Variants in AFTPH observed in about 807,000 individuals in gnomAD.
AFTPH encodes the protein aftiphilin protein.
A neutral mutation model predicts 72.5 loss-of-function variants in AFTPH; 7 were observed. The ratio of observed to expected loss-of-function variants is 0.10; its 90% CI spans 0.05 to 0.18. The LOEUF (loss-of-function observed/expected upper bound fraction) is 0.18. Among genes scored for constraint, AFTPH ranks in the 10% least tolerant of loss-of-function variants. AFTPH has a pLI of 1.00. For missense variants in AFTPH, 979 were observed against 1,060.5 expected (o/e 0.92, Z 1.07); for synonymous variants, 337 against 370.1 (o/e 0.91, Z 1.03).
At chr2:64,526,130 G>T (rs553037316) in intron 1 of AFTPH, among the ~76,000 whole-genome samples, 263 of 152,246 alleles carry the variant, frequency 1.7e-3, no homozygotes, top group Admixed American at 4.9e-3. Context: ...AAATAATCCC[G>T]TATCACAACA....
At chr2:64,551,637 C>G (rs1442441530) in exon 2 of AFTPH, 2 of 1,613,870 alleles carry the variant, frequency 1.2e-6, no homozygotes, top group African/African-American at 2.7e-5. Context: ...TTATACTCGT[C>G]CCAAGGAAGA....
At chr2:64,573,467 CTG>C (rs1672572820) in intron 6 of AFTPH, among the ~76,000 whole-genome samples, 1 of 150,676 alleles carries the variant, frequency 6.6e-6, no homozygotes, top group Admixed American at 6.6e-5. Flanking sequence ...AAAGGAAACA[CTG>C]TATTTATACC....
chr2:64,543,021 G>T (rs1670351772), intron 1 of AFTPH, among the ~76,000 whole-genome samples: 1 of 152,220 alleles, frequency 6.6e-6, no homozygotes, highest in Non-Finnish European at 1.5e-5. Flanking sequence ...CCAGTAAAGT[G>T]TGGGAATCAC....
chr2:64,530,147 C>G (rs1669541687), intron 1 of AFTPH, among the ~76,000 whole-genome samples: 1 of 152,098 alleles, frequency 6.6e-6, no homozygotes, highest in African/African-American at 2.4e-5. Context: ...CAGAGTGAGG[C>G]TCCGTCTCAA....
chr2:64,526,110 G>A (rs2103783310), intron 1 of AFTPH, among the ~76,000 whole-genome samples: 1 of 152,306 alleles, frequency 6.6e-6, no homozygotes, highest in African/African-American at 2.4e-5. Flanking sequence ...TTGACCTAGA[G>A]ACTGTTAAAA....
At chr2:64,555,555 TCACACACACACACACACACA>T (rs111905151) in intron 2 of AFTPH, among the ~76,000 whole-genome samples, 38 of 140,870 alleles carry the variant, frequency 2.7e-4, no homozygotes, top group South Asian at 9.3e-4. Context: ...AGAGAGACTG[TCACACACACACACACACACA>T]CACACACACA....
chr2:64,552,406 G>A (rs1160649852), exon 2 of AFTPH: 1 of 1,614,096 alleles, frequency 6.2e-7, no homozygotes, highest in Admixed American at 1.7e-5. Context: ...AGAGGTTTCA[G>A]TGTTGAAAAA....
At chr2:64,562,311 C>T (rs1671789046) in intron 2 of AFTPH, among the ~76,000 whole-genome samples, 2 of 150,300 alleles carry the variant, frequency 1.3e-5, no homozygotes, top group Admixed American at 1.3e-4. Context: ...AATTATGCCC[C>T]CTGCAGTCCT....
At chr2:64,535,181 C>T (rs1052339375) in intron 1 of AFTPH, among the ~76,000 whole-genome samples, 2 of 152,164 alleles carry the variant, frequency 1.3e-5, no homozygotes, top group African/African-American at 4.8e-5. Context: ...TTTAGCAGTT[C>T]AGTTTAGAAA....
At position 64,576,033 on chromosome 2, in the gene AFTPH, C is replaced by T. The variant is rs564866754; in HGVS notation, c.2394+2965C>T. 1.1e-4 allele frequency among the ~76,000 whole-genome samples: 17 copies of T among 149,556 alleles called. No homozygotes were observed. The East Asian group carries it at 3.4e-3, about 30-fold the overall frequency. On this transcript the variant is annotated intron_variant, in intron 6 of 8. Coordinates refer to ENST00000238856, the Ensembl canonical transcript of AFTPH. ...GGATTACAGGCGTGAGACATCGCAC[C>T]CGGCCTAGAAAATATTTCTTACCAC...
exon 2 of AFTPH, chr2:64,552,666 A>G (rs1174623157): frequency 6.2e-7 from 1 of 1,614,126 alleles, no homozygotes; most frequent in Non-Finnish European, 8.5e-7. Context: ...AAGCCCAAAC[A>G]TTGACCCCAC....
intron 8 of AFTPH, among the ~76,000 whole-genome samples, chr2:64,588,261 A>G (rs1673625684): frequency 6.6e-6 from 1 of 152,074 alleles, no homozygotes; most frequent in Non-Finnish European, 1.5e-5. Context: ...AAGTTCATTC[A>G]TGTTGTAGTA....
chr2:64,533,505 G>A (rs1175165832), intron 1 of AFTPH, among the ~76,000 whole-genome samples: 2 of 152,008 alleles, frequency 1.3e-5, no homozygotes, highest in African/African-American at 4.8e-5. Flanking sequence ...TTTTAACAAA[G>A]CAACTTAAAA....
At chr2:64,553,680 T>A (rs1671186358) in intron 2 of AFTPH, among the ~76,000 whole-genome samples, 1 of 145,932 alleles carries the variant, frequency 6.9e-6, no homozygotes. Context: ...GATTTTTTGG[T>A]GACTATAAAT....
chr2:64,591,812 T>C, intron 8 of AFTPH, 76 bp from the exon 10 acceptor site: 2 of 1,509,414 alleles, frequency 1.3e-6, no homozygotes, highest in Admixed American at 1.7e-5. Flanking sequence ...CTGTCTACCT[T>C]GAGAGTGGAT....
At position 64,551,898 on chromosome 2, in the gene AFTPH, C is replaced by T; in HGVS notation, c.424C>T (p.Gln142Ter). ...TTTAAATAAAGTAGTGGAGCAGAGA[C>T]AGAATGTTGGAACACTTGAAAGTTT... The change falls in exon 2 of 9, where the codon CAG (glutamine) becomes TAG (stop). Residue 142 changes from glutamine to a stop codon, truncating the protein, a stop_gained. Transcript: ENST00000238856. LOFTEE classifies it high-confidence loss of function. 6.2e-7 allele frequency: 1 copy of T among 1,613,638 alleles called. No homozygotes were observed. The highest frequency in any genetic ancestry group is 8.5e-7 in the Non-Finnish European group (1 of 1,179,926).
At chr2:64,552,652 T>G (rs752710896) in exon 2 of AFTPH, 1 of 1,614,170 alleles carries the variant, frequency 6.2e-7, no homozygotes, top group South Asian at 1.1e-5. Flanking sequence ...TTTACTAATT[T>G]CCAAAGCCCA....
Position 64,581,174 on chromosome 2 carries a change from G to A in AFTPH, c.2455+1628G>A, listed in dbSNP as rs1673173344. 3.8e-6 allele frequency: 6 copies of A among 1,577,558 alleles called. No individual in the cohort carries two copies. The highest frequency in any genetic ancestry group is 5.2e-6 in the Non-Finnish European group (6 of 1,161,160). On this transcript the variant is annotated intron_variant, in intron 7 of 8. Transcript: ENST00000238856. ...TTCTGTGTGGCTGCCTACCAACACG[G>A]TCACTGAATTTCAAGCTAGTGGAGG...
intron 1 of AFTPH, among the ~76,000 whole-genome samples, chr2:64,547,848 T>G (rs186494235): frequency 6.6e-6 from 1 of 152,190 alleles, no homozygotes; most frequent in Non-Finnish European, 1.5e-5. Flanking sequence ...TACAGTGGTG[T>G]GATCACAGCT....
Sources: allele counts gnomAD v4.1 joint callset (sites outside exome capture counted in the v4.1 genomes callset), GRCh38; gene constraint gnomAD v4.1.1; transcripts MANE v1.5; gene names NCBI Gene and HGNC (gene_info 2026-07-23, HGNC 2026-07-21).